The following ZNF787 variants were observed in gnomAD, a reference collection of about 807,000 sequenced individuals.
ZNF787 encodes zinc finger protein 787, also known as TTF-I-interacting peptide 20.
ZNF787 carries 7 observed loss-of-function variants against 16.9 expected under a neutral mutation model. That is an observed-to-expected ratio of 0.42 (90% CI 0.24 to 0.78). The LOEUF (loss-of-function observed/expected upper bound fraction) is 0.78, where lower values mean the gene tolerates loss of function less well. Among genes scored for constraint, ZNF787 ranks in the 30% least tolerant of loss-of-function variants. ZNF787 has a pLI of 0.30. For synonymous variants in ZNF787, 345 were observed against 270.9 expected, an observed-to-expected ratio of 1.27 and a Z score of -2.69; for missense variants, 551 against 589.3, an observed-to-expected ratio of 0.94 and a Z score of 0.67.
chr19:56,109,341 C>T (rs1481005319), intron 1 of ZNF787, among the ~76,000 whole-genome samples: 1 of 152,016 alleles, frequency 6.6e-6, no homozygotes, highest in Non-Finnish European at 1.5e-5. Context: ...GAGAAGGGTG[C>T]TCTAGCCTCC....
At chr19:56,107,329 G>A (rs950243288) in intron 1 of ZNF787, among the ~76,000 whole-genome samples, 2 of 152,122 alleles carry the variant, frequency 1.3e-5, no homozygotes, top group African/African-American at 4.8e-5. Context: ...CACTACGCTC[G>A]CCTCAGAAAC....
intron 2 of ZNF787, among the ~76,000 whole-genome samples, chr19:56,092,433 G>A (rs1236623016): frequency 1.3e-5 from 2 of 151,544 alleles, no homozygotes; most frequent in East Asian, 1.9e-4. Context: ...CTACCTCTAC[G>A]CCTCCTGCCC....
chr19:56,094,758 G>A (rs1425765083), intron 2 of ZNF787, among the ~76,000 whole-genome samples: 2 of 152,096 alleles, frequency 1.3e-5, no homozygotes, highest in Non-Finnish European at 2.9e-5. Flanking sequence ...ACAGGGTGGG[G>A]AGGTAGCAGG....
intron 2 of ZNF787, among the ~76,000 whole-genome samples, chr19:56,101,447 C>T (rs1258964104): frequency 6.6e-6 from 1 of 152,238 alleles, no homozygotes; most frequent in Admixed American, 6.5e-5. Context: ...GCGGGCTGGA[C>T]AAGGGGACCT....
Position 56,087,857 on chromosome 19 carries a change from C to G in ZNF787, c.*166G>C, listed in dbSNP as rs1018747696. Reference sequence around the variant, plus strand: ...GAAGTGAACGGGCCCTAATACGCCCCAGTGCCCCCCCACGGACGGCGCAGG... The same window carrying G: ...GAAGTGAACGGGCCCTAATACGCCCGAGTGCCCCCCCACGGACGGCGCAGG... On this transcript the variant is annotated 3_prime_UTR_variant, in exon 3 of 3. Transcript: ENST00000610935. 2 of 1,135,864 alleles carry G rather than the reference C, an allele frequency of 1.8e-6. No homozygotes were observed. The highest frequency in any genetic ancestry group is 3.3e-5 in the African/African-American group (2 of 60,996). 70.4% of individuals were successfully genotyped at this position (1,135,864 alleles called of 1,614,324 possible). A position where few individuals can be genotyped will look rare whatever the true frequency, so the allele number is the denominator to read the frequency against.
intron 1 of ZNF787, among the ~76,000 whole-genome samples, chr19:56,108,425 C>T (rs1358530942): frequency 1.3e-5 from 2 of 151,806 alleles, no homozygotes; most frequent in African/African-American, 4.8e-5. Context: ...CCACCCTGCC[C>T]CTGCCCAGAG....
intron 2 of ZNF787, among the ~76,000 whole-genome samples, chr19:56,092,035 CCGAAGCCGA>C: frequency 6.6e-6 from 1 of 151,616 alleles, no homozygotes; most frequent in Admixed American, 6.6e-5. Flanking sequence ...GAAGCCGAAG[CCGAAGCCGA>C]AGCCTCACCC....
chr19:56,115,967 A>C (rs140722762), intron 1 of ZNF787, among the ~76,000 whole-genome samples: 331 of 152,290 alleles, frequency 2.2e-3, no homozygotes, highest in African/African-American at 7.7e-3. Flanking sequence ...TACAAAGTAC[A>C]CTATGGACTC....
In ZNF787 at chr19:56,087,567, G is replaced by A. The variant is rs1985304858; in HGVS notation, c.*456C>T. 1.3e-5 allele frequency: 2 copies of A among 153,086 alleles called. No individual in the cohort carries two copies. The highest frequency in any genetic ancestry group is 1.3e-4 in the Admixed American group (2 of 15,290). 9.5% of individuals were successfully genotyped at this position (153,086 alleles called of 1,614,324 possible). ...GGGGCGGGCGGGGAGTCAAAAGGTG[G>A]GCTGATTAAAAGAAAATTCTAAAAG... On this transcript the variant is annotated 3_prime_UTR_variant, in exon 3 of 3. Coordinates refer to ENST00000610935, the MANE Select transcript of ZNF787 (RefSeq NM_001002836.4).
At chr19:56,090,988 C>A (rs1985551344) in intron 2 of ZNF787, among the ~76,000 whole-genome samples, 1 of 152,120 alleles carries the variant, frequency 6.6e-6, no homozygotes, top group Non-Finnish European at 1.5e-5. Flanking sequence ...GGCTCTTGAA[C>A]CTGCGGCAGA....
intron 1 of ZNF787, among the ~76,000 whole-genome samples, chr19:56,116,723 C>T (rs1253080493): frequency 6.6e-6 from 1 of 152,110 alleles, no homozygotes; most frequent in Non-Finnish European, 1.5e-5. Context: ...GGTGTGGATT[C>T]TCCCCCGGGG....
intron 1 of ZNF787, among the ~76,000 whole-genome samples, chr19:56,116,374 G>A (rs1209216809): frequency 1.3e-5 from 2 of 151,960 alleles, no homozygotes; most frequent in South Asian, 2.1e-4. Context: ...CCCAGGAGGC[G>A]GAGCTTGCAG....
chr19:56,103,287 G>T, intron 1 of ZNF787, 60 bp from the exon 2 acceptor site: 2 of 1,441,728 alleles, frequency 1.4e-6, no homozygotes, highest in Non-Finnish European at 1.9e-6. Context: ...TGCACCGAGG[G>T]CCCTGCAGGG....
Position 56,087,995 on chromosome 19 carries a change from T to TGGGGGGGG in ZNF787, c.*27_*28insCCCCCCCC. On this transcript the variant is annotated 3_prime_UTR_variant, in exon 3 of 3. Transcript: ENST00000610935. ...CGCTCCCGCCAAGCCCGAGGGGCCC[T>TGGGGGGGG]GCCCGCCCCCCCCCCCGGGCCCCTC... 2.7e-6 allele frequency: 3 copies of TGGGGGGGG among 1,106,474 alleles called. No individual in the cohort carries two copies. Among genetic ancestry groups the TGGGGGGGG allele is most frequent in the East Asian group, 5.4e-5 (1 of 18,362 alleles). The allele number at this position is 1,106,474 out of a possible 1,614,324, so 68.5% of individuals were successfully genotyped here.
rs547310079 is a variant in ZNF787 at position 56,114,884 on chromosome 19, C to T, written c.-11+6288G>A. 8.5e-5 allele frequency among the ~76,000 whole-genome samples: 13 copies of T among 152,220 alleles called. No individual in the cohort carries two copies. In the East Asian group the frequency reaches 2.5e-3, roughly 29 times the overall value. On this transcript the variant is annotated intron_variant, in intron 1 of 2. Transcript: ENST00000610935. ...CTCCTGCTCACCTTCCCGCTCTGCTCCCAGCTCAAGAAGCCCACAGCGCCA... is the reference window on the plus strand; with the variant it reads ...CTCCTGCTCACCTTCCCGCTCTGCTTCCAGCTCAAGAAGCCCACAGCGCCA...
intron 1 of ZNF787, among the ~76,000 whole-genome samples, chr19:56,107,860 A>T (rs1001550463): frequency 6.7e-6 from 1 of 148,632 alleles, no homozygotes; most frequent in Non-Finnish European, 1.5e-5. Flanking sequence ...AAGGCCGGGC[A>T]TGCTGGGGGC....
intron 2 of ZNF787, among the ~76,000 whole-genome samples, chr19:56,090,863 C>G (rs991661709): frequency 6.6e-6 from 1 of 152,196 alleles, no homozygotes; most frequent in Non-Finnish European, 1.5e-5. Context: ...TCCCTCCAGA[C>G]GCACTGTATG....
intron 2 of ZNF787, among the ~76,000 whole-genome samples, chr19:56,098,336 C>T (rs1358520927): frequency 6.6e-6 from 1 of 152,230 alleles, no homozygotes; most frequent in Non-Finnish European, 1.5e-5. Flanking sequence ...GTGAGGCCTG[C>T]CTGGGAGCTT....
intron 2 of ZNF787, among the ~76,000 whole-genome samples, chr19:56,093,110 A>G (rs534806495): frequency 3.4e-5 from 5 of 146,032 alleles, no homozygotes; most frequent in African/African-American, 5.2e-5. Context: ...GACACAGGGG[A>G]TGGCGGAAGT....
Sources: gnomAD v4.1 joint callset for allele counts (sites outside exome capture counted in the v4.1 genomes callset) on GRCh38, gnomAD v4.1.1 for gene constraint, MANE v1.5 for transcripts, NCBI Gene and HGNC (gene_info 2026-07-23, HGNC 2026-07-21) for gene names.